ANO1: variants seen among roughly 807,000 people sequenced by gnomAD.
ANO1 encodes anoctamin-1.
A neutral mutation model predicts 124.0 loss-of-function variants in ANO1; 59 were observed. The ratio of observed to expected loss-of-function variants is 0.48; its 90% CI spans 0.39 to 0.59. The LOEUF (loss-of-function observed/expected upper bound fraction) is 0.59, where lower values mean the gene tolerates loss of function less well. Among genes scored for constraint, ANO1 ranks in the 20% least tolerant of loss-of-function variants. The pLI is 0.00. For missense variants in ANO1, 1,059 were observed against 1,328.0 expected (o/e 0.80, Z 3.15); for synonymous variants, 529 against 532.0 (o/e 0.99, Z 0.08).
intron 1 of ANO1, among the ~76,000 whole-genome samples, chr11:70,047,509 C>T (rs571818676): frequency 1.3e-5 from 2 of 152,232 alleles, no homozygotes; most frequent in South Asian, 4.2e-4. Flanking sequence ...AGAACTCTTT[C>T]CCTTCAATGG....
chr11:70,121,100 GAGCC>G (rs1394682860), intron 8 of ANO1, among the ~76,000 whole-genome samples: 1 of 152,116 alleles, frequency 6.6e-6, no homozygotes, highest in Non-Finnish European at 1.5e-5. Context: ...AAGGTGGTGG[GAGCC>G]ACTGAGGGTG....
chr11:70,035,966 G>C (rs1274384678), intron 1 of ANO1, among the ~76,000 whole-genome samples: 4 of 152,130 alleles, frequency 2.6e-5, no homozygotes, highest in Non-Finnish European at 5.9e-5. Flanking sequence ...GCTATTGTAA[G>C]TAGTGCTGCA....
At chr11:70,092,567 G>T (rs1404989933) in intron 2 of ANO1, among the ~76,000 whole-genome samples, 1 of 152,208 alleles carries the variant, frequency 6.6e-6, no homozygotes, top group Non-Finnish European at 1.5e-5. Context: ...TTGTCAAAAT[G>T]CAGGCTCTGG....
chr11:70,006,884 G>T (rs1481961636), intron 1 of ANO1, among the ~76,000 whole-genome samples: 22 of 151,828 alleles, frequency 1.4e-4, no homozygotes, highest in African/African-American at 5.3e-4. Flanking sequence ...TGGCCAGGCT[G>T]GTCTCGAACT....
At position 70,143,393 on chromosome 11, in the gene ANO1, A is replaced by AGTGAAGC. The variant is rs1357348577; in HGVS notation, c.1259-6316_1259-6310dup. Among the ~76,000 whole-genome samples, 12 of 152,220 alleles carry AGTGAAGC rather than the reference A, an allele frequency of 7.9e-5. No homozygotes were observed. In the South Asian group the frequency reaches 2.5e-3, roughly 32 times the overall value. On this transcript the variant is annotated intron_variant, in intron 11 of 25. Transcript: ENST00000355303. The stretch of plus-strand genomic sequence containing the variant: ...GGTGCCGCGAAATTAGGGAAATTGG[A>AGTGAAGC]GTGAAGCCTGAGTAGTAGAGACATT...
chr11:70,082,660 C>G (rs1175729164), intron 1 of ANO1, among the ~76,000 whole-genome samples: 1 of 152,146 alleles, frequency 6.6e-6, no homozygotes, highest in Non-Finnish European at 1.5e-5. Flanking sequence ...TGTTCTGAAG[C>G]TTTCCCAGGC....
chr11:70,030,732 T>C (rs1449648979), intron 1 of ANO1, among the ~76,000 whole-genome samples: 1 of 152,156 alleles, frequency 6.6e-6, no homozygotes, highest in Non-Finnish European at 1.5e-5. Context: ...TATCTATTAA[T>C]ACAAAGCACT....
intron 22 of ANO1, among the ~76,000 whole-genome samples, chr11:70,176,156 CTTT>C (rs56702157): frequency 1.5e-4 from 19 of 124,390 alleles, no homozygotes; most frequent in East Asian, 2.4e-4. Context: ...TATATATACA[CTTT>C]TTTTTTTTTT....
Position 70,085,694 on chromosome 11 carries a change from C to A in ANO1, c.109-2058C>A, listed in dbSNP as rs961030554. On this transcript the variant is annotated intron_variant, in intron 1 of 25. Coordinates refer to ENST00000355303, the MANE Select transcript of ANO1 (RefSeq NM_018043.7). ...AGGTGGGGCAGCCCCCAACCAGCAG[C>A]CCTGGCCCAGAGCCTCCTCTCTCCT... 1.2e-5 allele frequency: 18 copies of A among 1,454,290 alleles called. No individual in the cohort carries two copies. In the Admixed American group the frequency reaches 4.0e-4, roughly 33 times the overall value. The allele number at this position is 1,454,290 out of a possible 1,614,324, so 90.1% of individuals were successfully genotyped here.
chr11:70,085,763 TC>T, intron 1 of ANO1: 1 of 1,348,328 alleles, frequency 7.4e-7, no homozygotes, highest in Non-Finnish European at 9.7e-7. Flanking sequence ...AGGCCTTCCC[TC>T]CCCCTCTCCC....
chr11:70,079,483 G>A (rs2044139370), intron 1 of ANO1, among the ~76,000 whole-genome samples: 2 of 151,960 alleles, frequency 1.3e-5, no homozygotes, highest in East Asian at 3.9e-4. Context: ...CAGAGGTCTA[G>A]GTAACCCTAT....
chr11:70,157,913 G>A (rs945593028), intron 16 of ANO1, among the ~76,000 whole-genome samples: 14 of 149,436 alleles, frequency 9.4e-5, no homozygotes, highest in South Asian at 6.4e-4. Context: ...CTGAGAAGTC[G>A]AGGCTGCAGT....
At chr11:70,022,099 C>A (rs1856821234) in intron 1 of ANO1, among the ~76,000 whole-genome samples, 1 of 152,156 alleles carries the variant, frequency 6.6e-6, no homozygotes, top group Non-Finnish European at 1.5e-5. Context: ...GGCAGAAATC[C>A]CAGAGGAAAA....
chr11:70,034,038 C>T (rs1437627963), intron 1 of ANO1, among the ~76,000 whole-genome samples: 2 of 152,196 alleles, frequency 1.3e-5, no homozygotes, highest in East Asian at 2.0e-4. Flanking sequence ...CCCATCCATG[C>T]GCTCTTGCAG....
intron 18 of ANO1, among the ~76,000 whole-genome samples, chr11:70,162,176 G>A (rs2048077079): frequency 6.7e-6 from 1 of 149,564 alleles, no homozygotes; most frequent in Admixed American, 6.6e-5. Flanking sequence ...AGGGCCTTGG[G>A]CAGTGGGGAC....
At chr11:70,062,722 T>C (rs1237105004) in intron 1 of ANO1, among the ~76,000 whole-genome samples, 1 of 152,176 alleles carries the variant, frequency 6.6e-6, no homozygotes, top group Non-Finnish European at 1.5e-5. Context: ...CAAACCTGCC[T>C]GTCCTCTGGG....
intron 1 of ANO1, among the ~76,000 whole-genome samples, chr11:70,057,860 GACAAAACAAA>G (rs1167425104): frequency 5.3e-5 from 8 of 152,246 alleles, no homozygotes; most frequent in African/African-American, 1.9e-4. Flanking sequence ...TCAGAGGCCT[GACAAAACAAA>G]ACAAAACAAA....
At chr11:70,069,714 G>A (rs1857821275) in intron 1 of ANO1, among the ~76,000 whole-genome samples, 1 of 152,102 alleles carries the variant, frequency 6.6e-6, no homozygotes, top group South Asian at 2.1e-4. Context: ...ATCTACGTTA[G>A]AGGCGGGGCA....
At chr11:69,966,502 C>T in the ANO1 span, among the ~76,000 whole-genome samples, 1 of 152,202 alleles carries the variant, frequency 6.6e-6, no homozygotes, top group African/African-American at 2.4e-5. Context: ...AGTGGAGGTG[C>T]TGCGTCGCCG....
Sources: gnomAD v4.1 joint callset for allele counts (sites outside exome capture counted in the v4.1 genomes callset) on GRCh38, gnomAD v4.1.1 for gene constraint, MANE v1.5 for transcripts, NCBI Gene and HGNC (gene_info 2026-07-23, HGNC 2026-07-21) for gene names.